Variants in WDPCP observed in about 807,000 individuals in gnomAD.
WDPCP encodes the protein WD repeat-containing and planar cell polarity effector protein fritz homolog.
A neutral mutation model predicts 93.1 loss-of-function variants in WDPCP; 71 were observed. The observed-to-expected ratio is 0.76, with a 90% CI of 0.63 to 0.93. The LOEUF (loss-of-function observed/expected upper bound fraction) is 0.93. Among genes scored for constraint, WDPCP ranks in the 40% least tolerant of loss-of-function variants. The pLI, the probability that WDPCP is intolerant of heterozygous loss-of-function variation, is 0.00. For synonymous variants in WDPCP, 315 were observed against 315.0 expected (o/e 1.00, Z 0.00); for missense variants, 844 against 887.4 (o/e 0.95, Z 0.62).
chr2:63,622,366 T>C (rs1334111705), intron 3 of WDPCP: 1 of 1,603,544 alleles, frequency 6.2e-7, no homozygotes, highest in African/African-American at 1.3e-5. Flanking sequence ...ATAGTCTTGG[T>C]CACGTTGCTT....
chr2:63,595,344 T>A, intron 3 of WDPCP: 1 of 897,658 alleles, frequency 1.1e-6, no homozygotes, highest in Non-Finnish European at 1.9e-6. Context: ...ACATACCAAA[T>A]AAAAACTATG....
chr2:63,456,298 T>A (rs1412207273), intron 6 of WDPCP, among the ~76,000 whole-genome samples: 1 of 152,038 alleles, frequency 6.6e-6, no homozygotes, highest in African/African-American at 2.4e-5. Flanking sequence ...ATGCTTGTAA[T>A]CCCAGCCACT....
intron 14 of WDPCP, among the ~76,000 whole-genome samples, chr2:63,188,264 A>T (rs539699074): frequency 6.6e-6 from 1 of 152,114 alleles, no homozygotes; most frequent in African/African-American, 2.4e-5. Context: ...TGTTTGTTCA[A>T]ATAAGCTCTT....
rs574268290 is a variant in WDPCP at position 63,449,008 on chromosome 2, T to C, written c.385-9137A>G. The stretch of plus-strand genomic sequence containing the variant: ...AATGGCTAAAGTATCAGATTTCAAA[T>C]GTACTCACCACAAAAAAAAATGGTA... On this transcript the variant is annotated intron_variant, in intron 6 of 17. Coordinates refer to ENST00000272321, the MANE Select transcript of WDPCP (RefSeq NM_015910.7). 5.9e-5 allele frequency among the ~76,000 whole-genome samples: 9 copies of C among 152,254 alleles called. No homozygotes were observed. The South Asian group carries it at 6.2e-4, about 11-fold the overall frequency.
the WDPCP span, among the ~76,000 whole-genome samples, chr2:63,840,071 C>A: frequency 6.6e-6 from 1 of 152,330 alleles, no homozygotes; most frequent in African/African-American, 2.4e-5. Flanking sequence ...CCCAAAGCCT[C>A]AAACTCTTCT....
rs1389225319 is a variant in WDPCP, at chr2:63,313,250, T to C, written c.1810A>G (p.Met604Val). 2 of 1,613,342 alleles carry C rather than the reference T, an allele frequency of 1.2e-6. No individual in the cohort carries two copies. The highest frequency in any genetic ancestry group is 1.7e-6 in the Non-Finnish European group (2 of 1,179,588). The change falls in exon 13 of 18, where the codon ATG (methionine) becomes GTG (valine). Residue 604 changes from methionine (M) to valine (V), a missense_variant and splice_region_variant. Met to Val is a conservative substitution (Grantham distance 21). Coordinates refer to ENST00000272321, the MANE Select transcript of WDPCP (RefSeq NM_015910.7). ...AVDVGARDLF[M>V]DIHYLALDKG... is the part of the protein sequence containing the mutation. Reference sequence around the variant, plus strand: ...AATCATCTCTGAAAATGACTCACCATAAAGAGGTCACGAGCACCAACGTCA... The same window carrying C: ...AATCATCTCTGAAAATGACTCACCACAAAGAGGTCACGAGCACCAACGTCA...
intron 9 of WDPCP, among the ~76,000 whole-genome samples, chr2:63,418,495 C>A (rs1299881017): frequency 6.6e-6 from 1 of 152,166 alleles, no homozygotes. Flanking sequence ...TATCAACAAA[C>A]CTCATGATCA....
intron 1 of WDPCP, among the ~76,000 whole-genome samples, chr2:63,814,497 A>T (rs925811574): frequency 1.3e-5 from 2 of 152,210 alleles, no homozygotes; most frequent in African/African-American, 4.8e-5. Flanking sequence ...GAGCCCTCAC[A>T]TTAAGCCACT....
intron 15 of WDPCP, among the ~76,000 whole-genome samples, chr2:63,156,838 T>G (rs905724118): frequency 6.6e-6 from 1 of 152,110 alleles, no homozygotes; most frequent in African/African-American, 2.4e-5. Context: ...CCATTTTGTC[T>G]GCAAAAAGGG....
intron 13 of WDPCP, among the ~76,000 whole-genome samples, chr2:63,270,912 G>A (rs1682584011): frequency 6.6e-6 from 1 of 152,132 alleles, no homozygotes. Flanking sequence ...GCTGTAGCAT[G>A]ATGTCACTTT....
At chr2:63,290,050 T>C (rs1304406805) in intron 13 of WDPCP, among the ~76,000 whole-genome samples, 2 of 152,026 alleles carry the variant, frequency 1.3e-5, no homozygotes, top group Non-Finnish European at 2.9e-5. Context: ...AAAAAATTCA[T>C]GTCTGCTTTT....
chr2:63,604,056 T>C (rs1709481740), intron 3 of WDPCP, among the ~76,000 whole-genome samples: 1 of 152,152 alleles, frequency 6.6e-6, no homozygotes, highest in Non-Finnish European at 1.5e-5. Flanking sequence ...TAGCTAGAGA[T>C]TGTTACATAT....
At chr2:63,229,245 C>A (rs1678602624) in intron 14 of WDPCP, 1 of 152,108 alleles carries the variant, frequency 6.6e-6, no homozygotes, top group Non-Finnish European at 1.5e-5. Flanking sequence ...TGAGAAGTGT[C>A]TGTTCATATC....
chr2:63,542,851 C>T (rs1206929880), intron 1 of WDPCP, among the ~76,000 whole-genome samples: 1 of 152,100 alleles, frequency 6.6e-6, no homozygotes, highest in Non-Finnish European at 1.5e-5. Context: ...AAGGAAAACA[C>T]CTCTTCCCTT....
intron 1 of WDPCP, among the ~76,000 whole-genome samples, chr2:63,517,283 T>C (rs1702618362): frequency 6.6e-6 from 1 of 152,018 alleles, no homozygotes; most frequent in African/African-American, 2.4e-5. Context: ...ATTTTAAATA[T>C]ATGAATTAGA....
intron 12 of WDPCP, among the ~76,000 whole-genome samples, chr2:63,342,657 C>T (rs1404661230): frequency 1.3e-5 from 2 of 152,110 alleles, no homozygotes; most frequent in Non-Finnish European, 2.9e-5. Context: ...GCTCTATCTA[C>T]CCTGTTATTA....
chr2:63,664,455 T>A (rs1406954659), intron 2 of WDPCP, among the ~76,000 whole-genome samples: 1 of 152,212 alleles, frequency 6.6e-6, no homozygotes, highest in African/African-American at 2.4e-5. Context: ...CCCTGGATAC[T>A]GGAGGTGCTG....
intron 2 of WDPCP, among the ~76,000 whole-genome samples, chr2:63,807,205 C>A (rs1003138403): frequency 6.6e-6 from 1 of 152,178 alleles, no homozygotes; most frequent in Non-Finnish European, 1.5e-5. Context: ...CGTCTGGGGT[C>A]CCTGACTTCC....
In WDPCP at chr2:63,338,560, AAAAAAAAAAATATATATATATAT is replaced by A. The variant is rs1390123408; in HGVS notation, c.1749-25272_1749-25250del. On this transcript the variant is annotated intron_variant, in intron 12 of 17. Transcript: ENST00000272321. ...AGAGCAAAACTCCATCTAAAAAAAA[AAAAAAAAAAATATATATATATAT>A]ATATATATATATATATATATATATA... 6.6e-4 allele frequency among the ~76,000 whole-genome samples: 40 copies of A among 60,830 alleles called. 3 individuals are homozygous for A. The highest frequency in any genetic ancestry group is 2.3e-3 in the African/African-American group (30 of 12,828). The allele number at this position is 60,830 out of a possible 152,430, so 39.9% of individuals were successfully genotyped here.
Sources: allele counts gnomAD v4.1 joint callset (sites outside exome capture counted in the v4.1 genomes callset), GRCh38; gene constraint gnomAD v4.1.1; transcripts MANE v1.5; gene names NCBI Gene and HGNC (gene_info 2026-07-23, HGNC 2026-07-21).